BANK1: variants seen among roughly 807,000 people sequenced by gnomAD.
The protein encoded by BANK1 is B cell scaffold protein with ankyrin repeats 1.
Under a neutral mutation model 94.5 loss-of-function variants are expected in BANK1, and 95 were observed. The observed-to-expected ratio is 1.00, with a 90% CI of 0.85 to 1.19. The LOEUF (loss-of-function observed/expected upper bound fraction) is 1.19. Ranked by LOEUF, BANK1 falls within the 50% of genes most tolerant of loss-of-function variation. The probability of loss-of-function intolerance (pLI) is 0.00; values close to 1 mark genes in which losing one functional copy is unlikely to be tolerated. For missense variants in BANK1, 987 were observed against 932.2 expected (o/e 1.06, Z -0.77); for synonymous variants, 334 against 308.4 (o/e 1.08, Z -0.87).
intron 16 of BANK1, 28 bp downstream of exon 16, chr4:102,073,776 A>G (rs1728833755): frequency 6.4e-7 from 1 of 1,567,060 alleles, no homozygotes; most frequent in East Asian, 2.2e-5. Context: ...TATATTTTTT[A>G]GAAAATCTAA....
chr4:102,049,730 G>C (rs930066747), intron 11 of BANK1, among the ~76,000 whole-genome samples: 4 of 152,130 alleles, frequency 2.6e-5, no homozygotes, highest in Non-Finnish European at 5.9e-5. Flanking sequence ...GCCAGTGAAA[G>C]GCAGTCTCTT....
intron 7 of BANK1, among the ~76,000 whole-genome samples, chr4:101,936,155 AAG>A (rs1723525649): frequency 6.7e-6 from 1 of 150,118 alleles, no homozygotes; most frequent in African/African-American, 2.4e-5. Context: ...CTCATCTGAC[AAG>A]AGACTTATAA....
intron 1 of BANK1, among the ~76,000 whole-genome samples, chr4:101,808,862 G>A (rs920420817): frequency 1.3e-5 from 2 of 152,112 alleles, no homozygotes; most frequent in African/African-American, 2.4e-5. Context: ...AGATGTTGGA[G>A]TCCATGTGAA....
intron 7 of BANK1, among the ~76,000 whole-genome samples, chr4:101,989,992 C>G (rs1448665119): frequency 6.6e-6 from 1 of 152,074 alleles, no homozygotes; most frequent in Non-Finnish European, 1.5e-5. Context: ...TCCCAAATAT[C>G]ATGTGAAGTG....
intron 10 of BANK1, among the ~76,000 whole-genome samples, chr4:102,037,858 CAG>C (rs1266845852): frequency 6.6e-6 from 1 of 152,136 alleles, no homozygotes; most frequent in Non-Finnish European, 1.5e-5. Flanking sequence ...TCTGTAGACA[CAG>C]AGGTGAAAGT....
intron 7 of BANK1, among the ~76,000 whole-genome samples, chr4:101,977,257 C>A (rs1725167073): frequency 6.6e-6 from 1 of 152,110 alleles, no homozygotes; most frequent in South Asian, 2.1e-4. Flanking sequence ...ATGCTTCTTG[C>A]AGCATAAGGA....
intron 2 of BANK1, among the ~76,000 whole-genome samples, chr4:101,834,374 A>C (rs1335264111): frequency 1.3e-5 from 2 of 152,200 alleles, no homozygotes; most frequent in African/African-American, 2.4e-5. Context: ...TATTTGGAAA[A>C]GGGTGTTCAA....
chr4:101,846,342 GCT>G (rs1727245758), intron 2 of BANK1, among the ~76,000 whole-genome samples: 1 of 152,192 alleles, frequency 6.6e-6, no homozygotes, highest in South Asian at 2.1e-4. Context: ...GTTTTTAACA[GCT>G]CTGAAAATTT....
chr4:102,039,532 A>T (rs1232527505), intron 10 of BANK1, among the ~76,000 whole-genome samples: 2 of 152,096 alleles, frequency 1.3e-5, no homozygotes, highest in African/African-American at 4.8e-5. Flanking sequence ...AACAGTATAA[A>T]TTGGGAAGCT....
chr4:101,870,470 T>C, intron 4 of BANK1, 35 bp from the exon 5 acceptor site: 1 of 1,583,952 alleles, frequency 6.3e-7, no homozygotes, highest in Non-Finnish European at 8.6e-7. Flanking sequence ...ATGCATTATA[T>C]ACTCTGCCCC....
chr4:101,975,766 C>T (rs1343955825), intron 7 of BANK1, among the ~76,000 whole-genome samples: 1 of 152,028 alleles, frequency 6.6e-6, no homozygotes, highest in African/African-American at 2.4e-5. Context: ...GCTCTTTATC[C>T]TTAGTAATGA....
intron 7 of BANK1, among the ~76,000 whole-genome samples, chr4:101,963,073 A>G (rs1004140520): frequency 6.6e-6 from 1 of 152,070 alleles, no homozygotes; most frequent in Non-Finnish European, 1.5e-5. Context: ...TGATTTTTTA[A>G]TTGTTTTGGA....
At chr4:101,938,176 G>A (rs189849819) in intron 7 of BANK1, among the ~76,000 whole-genome samples, 28 of 151,636 alleles carry the variant, frequency 1.8e-4, no homozygotes, top group African/African-American at 6.0e-4. Flanking sequence ...ACCATGGCAC[G>A]TGTATACCTA....
At chr4:101,846,642 G>A (rs1345147443) in intron 2 of BANK1, among the ~76,000 whole-genome samples, 2 of 152,200 alleles carry the variant, frequency 1.3e-5, no homozygotes, top group African/African-American at 2.4e-5. Context: ...TATCTTACAT[G>A]GCAGCAGGAG....
rs369104119 is a variant in BANK1, at chr4:101,918,165, C to G, written c.1182C>G (p.Leu394=). The change falls in exon 7 of 17, where the codon CTC becomes CTG. Residue 394 remains leucine (L), a synonymous_variant. Coordinates refer to ENST00000322953, the MANE Select transcript of BANK1 (RefSeq NM_017935.5). Reference sequence around the variant, plus strand: ...CTGAAAGGCATGGTCACAAAGAACTCAAGAAAATCTTCGAAGACTTTTCAG... The same window carrying G: ...CTGAAAGGCATGGTCACAAAGAACTGAAGAAAATCTTCGAAGACTTTTCAG... ...HIAERHGHKE[L]KKIFEDFSIQ... The G allele has an allele frequency of 1.1e-5, 17 of 1,575,288 alleles. No individual in the cohort carries two copies. Among genetic ancestry groups the G allele is most frequent in the Non-Finnish European group, 1.5e-5 (17 of 1,160,104 alleles).
intron 7 of BANK1, among the ~76,000 whole-genome samples, chr4:101,947,372 A>G (rs1267371793): frequency 6.8e-6 from 1 of 147,608 alleles, no homozygotes; most frequent in Non-Finnish European, 1.5e-5. Flanking sequence ...TTCATCTGGT[A>G]AAGGATTGAA....
At chr4:101,858,848 T>TTA (rs1243085030) in intron 3 of BANK1, among the ~76,000 whole-genome samples, 1 of 152,194 alleles carries the variant, frequency 6.6e-6, no homozygotes, top group Non-Finnish European at 1.5e-5. Flanking sequence ...ATAAAGGTCT[T>TTA]TATTTTATAT....
intron 5 of BANK1, among the ~76,000 whole-genome samples, chr4:101,893,244 T>G (rs1174672639): frequency 6.6e-6 from 1 of 152,010 alleles, no homozygotes; most frequent in African/African-American, 2.4e-5. Context: ...GAAATGGTAG[T>G]TTTCATATTC....
intron 6 of BANK1, 114 bp from the exon 7 acceptor site, chr4:101,917,879 A>G (rs1722877604): frequency 9.6e-6 from 6 of 623,184 alleles, no homozygotes; most frequent in Non-Finnish European, 1.6e-5. Flanking sequence ...TTCTTACACA[A>G]AAAGTCTGCT....
Sources: allele counts gnomAD v4.1 joint callset (sites outside exome capture counted in the v4.1 genomes callset), GRCh38; gene constraint gnomAD v4.1.1; transcripts MANE v1.5; gene names NCBI Gene and HGNC (gene_info 2026-07-23, HGNC 2026-07-21).